RALGAPA1: variants seen among roughly 807,000 people sequenced by gnomAD.
The protein encoded by RALGAPA1 is ral GTPase-activating protein subunit alpha-1.
RALGAPA1 carries 52 observed loss-of-function variants against 269.6 expected under a neutral mutation model. The observed-to-expected ratio is 0.19, with a 90% CI of 0.15 to 0.24. RALGAPA1 has a LOEUF of 0.24. Ranked by LOEUF, RALGAPA1 falls within the 10% of genes least tolerant of loss-of-function variation. The probability of loss-of-function intolerance (pLI) is 1.00; values close to 1 mark genes in which losing one functional copy is unlikely to be tolerated. For missense variants in RALGAPA1, 1,917 were observed against 3,013.9 expected (o/e 0.64, Z 8.52); for synonymous variants, 817 against 1,008.3 (o/e 0.81, Z 3.60).
intron 34 of RALGAPA1, among the ~76,000 whole-genome samples, chr14:35,626,050 C>T (rs573914339): frequency 6.6e-6 from 1 of 152,164 alleles, no homozygotes; most frequent in African/African-American, 2.4e-5. Context: ...TATACCATAA[C>T]TGACATAACT....
chr14:35,734,216 T>C (rs778293987), intron 12 of RALGAPA1, among the ~76,000 whole-genome samples: 1 of 152,098 alleles, frequency 6.6e-6, no homozygotes, highest in Admixed American at 6.5e-5. Context: ...CTAAAATTCA[T>C]ATGGAACCAA....
At chr14:35,650,172 G>T (rs1754306160) in intron 31 of RALGAPA1, among the ~76,000 whole-genome samples, 1 of 152,062 alleles carries the variant, frequency 6.6e-6, no homozygotes, top group African/African-American at 2.4e-5. Context: ...AGGAGTTTGA[G>T]ACCGGCCTGG....
chr14:35,782,755 GT>G (rs996765939), intron 1 of RALGAPA1, among the ~76,000 whole-genome samples: 2 of 151,988 alleles, frequency 1.3e-5, no homozygotes, highest in South Asian at 2.1e-4. Flanking sequence ...TCCTAACATA[GT>G]TTTTTGCAAA....
intron 41 of RALGAPA1, among the ~76,000 whole-genome samples, chr14:35,544,736 G>A (rs1045796103): frequency 3.5e-4 from 53 of 152,242 alleles, no homozygotes; most frequent in African/African-American, 8.2e-4. Context: ...ATTAATATGC[G>A]TAGGAATCTG....
chr14:35,639,858 G>A (rs781695785), intron 31 of RALGAPA1, among the ~76,000 whole-genome samples: 12 of 151,698 alleles, frequency 7.9e-5, no homozygotes, highest in Non-Finnish European at 1.8e-4. Flanking sequence ...AGAATGGTGT[G>A]AACCTGGGAG....
intron 37 of RALGAPA1, among the ~76,000 whole-genome samples, chr14:35,583,033 C>T (rs2058051134): frequency 6.6e-6 from 1 of 152,136 alleles, no homozygotes; most frequent in Non-Finnish European, 1.5e-5. Flanking sequence ...TTTTACTGAG[C>T]ATATGTTCAG....
chr14:35,624,703 T>A lies in RALGAPA1; in HGVS notation c.6929+658A>T, dbSNP rs564378230. ...ATAGAATTGTTTGATGTGGGAATGG[T>A]CTGAATCATCTTACTCACTATGCAT... On this transcript the variant is annotated intron_variant, in intron 35 of 41. Transcript: ENST00000680220. 5.3e-5 allele frequency among the ~76,000 whole-genome samples: 8 copies of A among 152,236 alleles called. No individual in the cohort carries two copies. In the South Asian group the frequency reaches 1.7e-3, roughly 32 times the overall value.
At chr14:35,766,442 C>T (rs2074157651) in intron 4 of RALGAPA1, 3 of 1,573,880 alleles carry the variant, frequency 1.9e-6, no homozygotes, top group Admixed American at 3.6e-5. Flanking sequence ...AAGCTGCTGA[C>T]CTCTTTGAGT....
intron 27 of RALGAPA1, among the ~76,000 whole-genome samples, chr14:35,661,390 C>T (rs535273111): frequency 6.4e-4 from 98 of 151,976 alleles, no homozygotes; most frequent in Non-Finnish European, 1.0e-3. Flanking sequence ...GGGGAGAAAA[C>T]GAAGAACAAA....
intron 39 of RALGAPA1, among the ~76,000 whole-genome samples, chr14:35,570,270 CAA>C (rs11458177): frequency 2.0e-4 from 19 of 93,146 alleles, no homozygotes; most frequent in Non-Finnish European, 2.4e-4. Context: ...GACTCCATCT[CAA>C]AAAAAAAAAA....
At position 35,702,728 on chromosome 14, in the gene RALGAPA1, T is replaced by A. The variant is rs866524676; in HGVS notation, c.2267-2426A>T. ...ATCACCTTTAATTAAAAAAAAAAAA[T>A]ATATATATATATACATTTTTTTTTT... On this transcript the variant is annotated intron_variant, in intron 16 of 41. Transcript: ENST00000680220. 8.8e-3 allele frequency among the ~76,000 whole-genome samples: 1,256 copies of A among 142,598 alleles called. 5 individuals carry two copies. Among genetic ancestry groups the A allele is most frequent in the African/African-American group, 0.012 (462 of 39,288 alleles). 93.5% of individuals were successfully genotyped at this position (142,598 alleles called of 152,430 possible).
At chr14:35,672,824 T>C in intron 25 of RALGAPA1, 43 bp downstream of exon 25, 2 of 1,421,312 alleles carry the variant, frequency 1.4e-6, no homozygotes, top group Non-Finnish European at 1.9e-6. Context: ...AAAGATAATA[T>C]GATATAAACT....
At chr14:35,638,141 GGT>G (rs1465927699) in intron 31 of RALGAPA1, among the ~76,000 whole-genome samples, 1 of 152,086 alleles carries the variant, frequency 6.6e-6, no homozygotes, top group East Asian at 1.9e-4. Flanking sequence ...AAAACTCACT[GGT>G]GATAGTAAGT....
At chr14:35,756,072 T>C (rs926610757) in intron 7 of RALGAPA1, among the ~76,000 whole-genome samples, 2 of 152,210 alleles carry the variant, frequency 1.3e-5, no homozygotes, top group Non-Finnish European at 1.5e-5. Context: ...TTGTTACATA[T>C]TGGCAGATTG....
chr14:35,689,122 CAT>C lies in RALGAPA1; in HGVS notation c.3287_3288del (p.His1096ArgfsTer14), dbSNP rs2066249177. 7 of 1,235,234 alleles carry C rather than the reference CAT, an allele frequency of 5.7e-6. No individual in the cohort carries two copies. The highest frequency in any genetic ancestry group is 4.1e-5 in the South Asian group (1 of 24,598). The allele number at this position is 1,235,234 out of a possible 1,614,324, so 76.5% of individuals were successfully genotyped here. A position where few individuals can be genotyped will look rare whatever the true frequency, so the allele number is the denominator to read the frequency against. On this transcript the variant is annotated frameshift_variant, in exon 18 of 42. Transcript: ENST00000680220. LOFTEE classifies it high-confidence loss of function. ...VQINEKITVP[H>X]VMRAKKATLK... ...AGTGTTGCTTTCTTGGCACGCATAACATGTGGGACAGTGATTTTTTCATTAAT... is the reference window on the plus strand; with the variant it reads ...AGTGTTGCTTTCTTGGCACGCATAACGTGGGACAGTGATTTTTTCATTAAT...
chr14:35,797,348 T>G (rs1425762581), intron 1 of RALGAPA1, among the ~76,000 whole-genome samples: 1 of 67,702 alleles, frequency 1.5e-5, no homozygotes, highest in Non-Finnish European at 2.3e-5. Context: ...CGAGACTCCG[T>G]CTCAAAAAAA....
chr14:35,606,725 TAAA>T (rs529450231), intron 35 of RALGAPA1, among the ~76,000 whole-genome samples: 75 of 149,866 alleles, frequency 5.0e-4, no homozygotes, highest in Middle Eastern at 3.4e-3. Flanking sequence ...AGACCATTAG[TAAA>T]GTTTTCACTA....
At chr14:35,587,242 A>G (rs1041391002) in intron 37 of RALGAPA1, among the ~76,000 whole-genome samples, 1 of 152,108 alleles carries the variant, frequency 6.6e-6, no homozygotes, top group Non-Finnish European at 1.5e-5. Context: ...TTTCTAGTTT[A>G]TTTGCGTAGA....
intron 1 of RALGAPA1, among the ~76,000 whole-genome samples, chr14:35,793,862 T>C (rs2076370320): frequency 6.6e-6 from 1 of 152,192 alleles, no homozygotes; most frequent in South Asian, 2.1e-4. Flanking sequence ...TTCCACATTT[T>C]ATTCAATCCT....
Sources: gnomAD v4.1 joint callset for allele counts (sites outside exome capture counted in the v4.1 genomes callset) on GRCh38, gnomAD v4.1.1 for gene constraint, MANE v1.5 for transcripts, NCBI Gene and HGNC (gene_info 2026-07-23, HGNC 2026-07-21) for gene names.